The following SYNE1 variants were observed in gnomAD, a reference collection of about 807,000 sequenced individuals.
The protein encoded by SYNE1 is nesprin-1.
SYNE1 carries 616 observed loss-of-function variants against 1,111.0 expected under a neutral mutation model. The observed-to-expected ratio is 0.55, with a 90% CI of 0.52 to 0.59. The LOEUF (loss-of-function observed/expected upper bound fraction) is 0.59. SYNE1 is among the 20% of genes least tolerant of loss of function. The pLI, the probability that SYNE1 is intolerant of heterozygous loss-of-function variation, is 0.00. For synonymous variants in SYNE1, 3,855 were observed against 3,825.8 expected, an observed-to-expected ratio of 1.01 and a Z score of -0.28; for missense variants, 10,006 against 10,417.0, an observed-to-expected ratio of 0.96 and a Z score of 1.72.
intron 3 of SYNE1, among the ~76,000 whole-genome samples, chr6:152,543,246 C>T (rs1313136963): frequency 6.6e-6 from 1 of 152,006 alleles, no homozygotes; most frequent in African/African-American, 2.4e-5. Context: ...TTACGTGTTT[C>T]CTTTTTTACT....
chr6:152,307,204 AGTT>A (rs2095408452), intron 91 of SYNE1, among the ~76,000 whole-genome samples: 1 of 152,222 alleles, frequency 6.6e-6, no homozygotes, highest in Non-Finnish European at 1.5e-5. Context: ...TGATGTCTAC[AGTT>A]GTTGGAGTAA....
chr6:152,483,502 T>C (rs1443239822), intron 13 of SYNE1, among the ~76,000 whole-genome samples: 1 of 152,188 alleles, frequency 6.6e-6, no homozygotes, highest in Non-Finnish European at 1.5e-5. Flanking sequence ...ATCAGAAGTG[T>C]AAGCAATTTT....
intron 34 of SYNE1, among the ~76,000 whole-genome samples, chr6:152,431,498 T>G (rs2098427710): frequency 6.6e-6 from 1 of 152,246 alleles, no homozygotes; most frequent in African/African-American, 2.4e-5. Flanking sequence ...TAAGGAAGTG[T>G]GTGCATGTGC....
In SYNE1 at chr6:152,558,235, CAA is replaced by C. The variant is rs577093885; in HGVS notation, c.68-18216_68-18215del. On this transcript the variant is annotated intron_variant, in intron 3 of 145. Coordinates refer to ENST00000367255, the MANE Select transcript of SYNE1 (RefSeq NM_182961.4). ...ATAAAGGAATTAAAACATACCACCA[CAA>C]AAAAAATCATCAGATCACAAGAGGA... Among the ~76,000 whole-genome samples, 27 of 151,792 alleles carry C rather than the reference CAA, an allele frequency of 1.8e-4. No individual in the cohort carries two copies. In the Middle Eastern group the frequency reaches 0.01, roughly 57 times the overall value.
chr6:152,196,368 G>A (rs9479258), intron 127 of SYNE1, among the ~76,000 whole-genome samples: 13,040 of 151,922 alleles, frequency 0.086, 659 homozygotes, highest in African/African-American at 0.14. Flanking sequence ...CATAGCCACC[G>A]CAGCTGTGAA....
At chr6:152,189,117 T>C (rs755522079) in intron 128 of SYNE1, 135 bp downstream of exon 128, 63 of 860,910 alleles carry the variant, frequency 7.3e-5, no homozygotes, top group Non-Finnish European at 1.1e-4. Flanking sequence ...GTTCTGGTAG[T>C]AACCACAGTG....
At chr6:152,300,922 T>C (rs1174286125) in intron 92 of SYNE1, 141 bp from the exon 93 acceptor site, 10 of 1,161,402 alleles carry the variant, frequency 8.6e-6, no homozygotes, top group Admixed American at 4.0e-5. Context: ...ATATTAATCC[T>C]GTGTTAGTAT....
At position 152,359,360 on chromosome 6, in the gene SYNE1, G is replaced by C. The variant is rs1173750334; in HGVS notation, c.10398C>G (p.Leu3466=). Residue 3466 remains leucine (L), a synonymous_variant, in exon 65 of 146, where the codon CTC becomes CTG. Coordinates refer to ENST00000367255, the MANE Select transcript of SYNE1 (RefSeq NM_182961.4). ...CTCTGTATCGTTCCTGTAGATCCTG[G>C]AGTTCTAGCTGGGTGACATAGTGTT... ...MTEHYVTQLE[L]QDLQERYRAI... is the part of the protein sequence containing the mutation. 2 of 1,614,124 alleles carry C rather than the reference G, an allele frequency of 1.2e-6. No individual in the cohort carries two copies. The highest frequency in any genetic ancestry group is 1.7e-6 in the Non-Finnish European group (2 of 1,180,026).
intron 3 of SYNE1, among the ~76,000 whole-genome samples, chr6:152,573,186 TTTA>T (rs1302830950): frequency 6.6e-6 from 1 of 151,912 alleles, no homozygotes; most frequent in Non-Finnish European, 1.5e-5. Flanking sequence ...TTTTTTAAAT[TTTA>T]TTATTATTAT....
At position 152,136,781 on chromosome 6, in the gene SYNE1, A is replaced by G. The variant is rs752282300; in HGVS notation, c.25496T>C (p.Ile8499Thr). Residue 8499 changes from isoleucine to threonine, a missense_variant, in exon 141 of 146, where the codon ATC becomes ACC. Physicochemically the swap from Ile to Thr is moderately conservative, Grantham distance 89. Coordinates refer to ENST00000367255, the MANE Select transcript of SYNE1 (RefSeq NM_182961.4). ...QKAVDHRKAIILSINLCSPEF... is the reference protein window; with the variant it reads ...QKAVDHRKAITLSINLCSPEF... ...AGGGCTGCAGAGATTGATGGAGAGG[A>G]TGATGGCTTTGCGGTGGTCCACAGC... 4 of 1,614,242 alleles carry G rather than the reference A, an allele frequency of 2.5e-6. No homozygotes were observed. The South Asian group carries it at 4.4e-5, about 18-fold the overall frequency.
intron 3 of SYNE1, among the ~76,000 whole-genome samples, chr6:152,544,781 G>T (rs1469963480): frequency 6.6e-6 from 1 of 152,172 alleles, no homozygotes; most frequent in Non-Finnish European, 1.5e-5. Flanking sequence ...TGCGGGTACT[G>T]CACAATTGTG....
intron 3 of SYNE1, among the ~76,000 whole-genome samples, chr6:152,577,661 T>G (rs1174400293): frequency 6.6e-6 from 1 of 152,056 alleles, no homozygotes; most frequent in African/African-American, 2.4e-5. Context: ...AAAAATTCTC[T>G]AACTATGAAA....
At chr6:152,594,033 C>T (rs150681899) in intron 3 of SYNE1, among the ~76,000 whole-genome samples, 146 of 152,224 alleles carry the variant, frequency 9.6e-4, no homozygotes, top group African/African-American at 3.2e-3. Context: ...CCCCTGCCTC[C>T]GCCCCATCCC....
At chr6:152,391,164 A>G (rs2097617078) in intron 52 of SYNE1, 113 bp downstream of exon 52, 2 of 1,529,064 alleles carry the variant, frequency 1.3e-6, no homozygotes, top group Non-Finnish European at 1.8e-6. Context: ...CATTTTGCCC[A>G]CACAATCCTC....
At chr6:152,171,342 T>C (rs1367946602) in intron 130 of SYNE1, among the ~76,000 whole-genome samples, 2 of 152,238 alleles carry the variant, frequency 1.3e-5, no homozygotes, top group African/African-American at 2.4e-5. Context: ...TGCGTACGTT[T>C]TCCACCCTAT....
intron 55 of SYNE1, among the ~76,000 whole-genome samples, chr6:152,381,876 CA>C (rs1321179526): frequency 6.6e-6 from 1 of 152,084 alleles, no homozygotes; most frequent in Non-Finnish European, 1.5e-5. Context: ...TACTCGATTC[CA>C]AATACCTCAA....
rs779648101 is a variant in SYNE1, at chr6:152,321,188, T to G, written c.16236+50A>C. On this transcript the variant is annotated intron_variant, in intron 84 of 145. Transcript: ENST00000367255. ...ATCAAGAACTCTCACACAAGAGGAC[T>G]GACCCTATAAACAAAATGGAAAGAC... 7 of 1,605,980 alleles carry G rather than the reference T, an allele frequency of 4.4e-6. 1 individual carries two copies. The highest frequency in any genetic ancestry group is 6.0e-6 in the Non-Finnish European group (7 of 1,175,460).
At chr6:152,319,193 C>CT (rs549577396) in intron 84 of SYNE1, among the ~76,000 whole-genome samples, 178 bp from the exon 85 acceptor site, 407 of 152,316 alleles carry the variant, frequency 2.7e-3, no homozygotes, top group Non-Finnish European at 3.4e-3. Context: ...ACTTCACTAT[C>CT]TTTAAGTATT....
At chr6:152,467,033 G>A (rs6557228) in intron 16 of SYNE1, among the ~76,000 whole-genome samples, 78,899 of 151,884 alleles carry the variant, frequency 0.52, 22,246 homozygotes, top group East Asian at 0.76. Context: ...CATTATTCAT[G>A]CAGCAATTTC....
Sources: gnomAD v4.1 joint callset for allele counts (sites outside exome capture counted in the v4.1 genomes callset) on GRCh38, gnomAD v4.1.1 for gene constraint, MANE v1.5 for transcripts, NCBI Gene and HGNC (gene_info 2026-07-23, HGNC 2026-07-21) for gene names.